Variants in SIPA1L1 observed in about 807,000 individuals in gnomAD.
The protein encoded by SIPA1L1 is signal induced proliferation associated 1 like 1, also known as signal-induced proliferation-associated 1-like protein 1.
Under a neutral mutation model 162.7 loss-of-function variants are expected in SIPA1L1, and 26 were observed. The observed-to-expected ratio is 0.16, with a 90% CI of 0.12 to 0.22. The LOEUF (loss-of-function observed/expected upper bound fraction) is 0.22, where lower values mean the gene tolerates loss of function less well. SIPA1L1 is among the 10% of genes least tolerant of loss of function. The pLI is 1.00. For synonymous variants in SIPA1L1, 829 were observed against 837.4 expected (o/e 0.99, Z 0.17); for missense variants, 1,874 against 2,241.0 (o/e 0.84, Z 3.31).
At chr14:71,520,878 G>A (rs1387556318) in intron 3 of SIPA1L1, among the ~76,000 whole-genome samples, 1 of 151,934 alleles carries the variant, frequency 6.6e-6, no homozygotes, top group East Asian at 1.9e-4. Flanking sequence ...TCAGCCCCCC[G>A]AGTAGCTGAG....
chr14:71,444,493 GA>G (rs1450086008), intron 2 of SIPA1L1, among the ~76,000 whole-genome samples: 1 of 152,142 alleles, frequency 6.6e-6, no homozygotes, highest in Non-Finnish European at 1.5e-5. Context: ...TCAGAATAGG[GA>G]ATGAATATCC....
chr14:71,407,183 GTAAC>G (rs1740982840), intron 2 of SIPA1L1, among the ~76,000 whole-genome samples: 1 of 152,126 alleles, frequency 6.6e-6, no homozygotes, highest in Non-Finnish European at 1.5e-5. Context: ...GTGGAAGAAA[GTAAC>G]TAAAAAGCTT....
Position 71,674,313 on chromosome 14 carries a change from A to G in SIPA1L1, c.3104+1691A>G, listed in dbSNP as rs141306393. ...GGTGGGATGAGACAACAGTACAGAC[A>G]TCGAAATTGGAAATAGCTGTTACTA... is the stretch of plus-strand genomic sequence containing the variant. On this transcript the variant is annotated intron_variant, in intron 12 of 23. Coordinates refer to ENST00000381232, the MANE Select transcript of SIPA1L1 (RefSeq NM_001386936.1). Among the ~76,000 whole-genome samples, 365 of 152,294 alleles carry G rather than the reference A, an allele frequency of 2.4e-3. 1 individual carries two copies. Among genetic ancestry groups the G allele is most frequent in the Middle Eastern group, 6.8e-3 (2 of 294 alleles).
In SIPA1L1 at chr14:71,658,391, C is replaced by T. The variant is rs755202556; in HGVS notation, c.2052C>T (p.Phe684=). ...YTTYKDYEIM[F]HVSTMLPYTP... ...CATACAAAGATTATGAAATTATGTTCCATGTTTCTACCATGCTGCCATACA... is the reference window on the plus strand; with the variant it reads ...CATACAAAGATTATGAAATTATGTTTCATGTTTCTACCATGCTGCCATACA... The change falls in exon 9 of 24, where the codon TTC becomes TTT. Residue 684 remains phenylalanine, a synonymous_variant. Coordinates refer to ENST00000381232, the MANE Select transcript of SIPA1L1 (RefSeq NM_001386936.1). 2 of 1,612,242 alleles carry T rather than the reference C, an allele frequency of 1.2e-6. No homozygotes were observed. The highest frequency in any genetic ancestry group is 1.1e-5 in the South Asian group (1 of 91,032).
At chr14:71,738,216 A>G (rs2085488498) in intron 22 of SIPA1L1, 25 bp from the exon 23 acceptor site, 11 of 1,427,762 alleles carry the variant, frequency 7.7e-6, no homozygotes, top group Non-Finnish European at 1.1e-5. Flanking sequence ...CCCTGCCAAC[A>G]TGGTCTTTTG....
intron 5 of SIPA1L1, among the ~76,000 whole-genome samples, chr14:71,598,674 G>T (rs556817106): frequency 9.2e-5 from 14 of 152,336 alleles, no homozygotes; most frequent in African/African-American, 3.1e-4. Flanking sequence ...TGGGGGGATT[G>T]CACATAGTGG....
At chr14:71,417,993 C>A (rs1258127365) in intron 2 of SIPA1L1, 1 of 152,108 alleles carries the variant, frequency 6.6e-6, no homozygotes, top group Non-Finnish European at 1.5e-5. Context: ...ATAGGAAATC[C>A]TTTAGCCTAA....
intron 2 of SIPA1L1, among the ~76,000 whole-genome samples, chr14:71,483,027 T>C (rs1325324500): frequency 6.6e-6 from 1 of 152,194 alleles, no homozygotes; most frequent in African/African-American, 2.4e-5. Context: ...AGCACAGATA[T>C]GATCCTTTAT....
At position 71,377,014 on chromosome 14, in the gene SIPA1L1, C is replaced by T. The variant is rs1324600307; in HGVS notation, c.-465+55833C>T. Among the ~76,000 whole-genome samples, 2 of 152,340 alleles carry T rather than the reference C, an allele frequency of 1.3e-5. No homozygotes were observed. The highest frequency in any genetic ancestry group is 2.9e-5 in the Non-Finnish European group (2 of 68,034). ...CCTTTCTATTCGACAAAACCACCATCGTCATTATGGCCCGTTCTCAGTGAG... is the reference window on the plus strand; with the variant it reads ...CCTTTCTATTCGACAAAACCACCATTGTCATTATGGCCCGTTCTCAGTGAG... On this transcript the variant is annotated intron_variant, in intron 2 of 23. Coordinates refer to ENST00000381232, the MANE Select transcript of SIPA1L1 (RefSeq NM_001386936.1). This position sits in a 1 kb window ranked among gnomAD's most constrained non-coding sequence, Gnocchi z 4.8.
chr14:71,519,038 G>A (rs562399801), intron 3 of SIPA1L1, among the ~76,000 whole-genome samples: 38 of 152,144 alleles, frequency 2.5e-4, no homozygotes, highest in African/African-American at 7.7e-4. Context: ...TTACCTTCCC[G>A]GGGTCCCTCC....
intron 4 of SIPA1L1, among the ~76,000 whole-genome samples, chr14:71,546,925 A>G (rs1401523198): frequency 6.6e-6 from 1 of 152,212 alleles, no homozygotes; most frequent in African/African-American, 2.4e-5. Flanking sequence ...TTGTGCAGTC[A>G]TCCAAGATTG....
intron 4 of SIPA1L1, among the ~76,000 whole-genome samples, chr14:71,531,277 C>T (rs976756001): frequency 1.3e-5 from 2 of 151,448 alleles, no homozygotes; most frequent in Non-Finnish European, 2.9e-5. Flanking sequence ...GAGAATTCGC[C>T]ATTATGCCTA....
chr14:71,679,502 G>A (rs1328837568), intron 12 of SIPA1L1, among the ~76,000 whole-genome samples: 3 of 152,204 alleles, frequency 2.0e-5, no homozygotes, highest in Non-Finnish European at 2.9e-5. Flanking sequence ...ACAGACCATT[G>A]ATGCTAGGAA....
chr14:71,513,705 C>T (rs1193199128), intron 3 of SIPA1L1, among the ~76,000 whole-genome samples: 1 of 152,080 alleles, frequency 6.6e-6, no homozygotes, highest in Non-Finnish European at 1.5e-5. Flanking sequence ...GTTGCCTAGG[C>T]TGGTCTCAAA....
intron 2 of SIPA1L1, among the ~76,000 whole-genome samples, chr14:71,352,641 T>A (rs977644589): frequency 6.6e-5 from 10 of 152,214 alleles, no homozygotes; most frequent in Non-Finnish European, 2.9e-5. Flanking sequence ...CTGTCTTCTG[T>A]CTCTAGCTAA....
intron 2 of SIPA1L1, among the ~76,000 whole-genome samples, chr14:71,351,537 T>C (rs1471400904): frequency 6.6e-6 from 1 of 152,244 alleles, no homozygotes; most frequent in Non-Finnish European, 1.5e-5. Flanking sequence ...TAATGCAGCC[T>C]TAGCTTTCAT....
intron 4 of SIPA1L1, among the ~76,000 whole-genome samples, chr14:71,537,617 A>T (rs2054015365): frequency 6.6e-6 from 1 of 151,978 alleles, no homozygotes; most frequent in African/African-American, 2.4e-5. Context: ...TTGGCCTCCC[A>T]TTCCTCCTTC....
chr14:71,672,614 C>G lies in SIPA1L1; in HGVS notation c.3096C>G (p.Thr1032=), dbSNP rs751938193. 6.2e-7 allele frequency: 1 copy of G among 1,613,178 alleles called. No homozygotes were observed. Residue 1032 remains threonine, a synonymous_variant, in exon 12 of 24, where the codon ACC becomes ACG. Coordinates refer to ENST00000381232, the MANE Select transcript of SIPA1L1 (RefSeq NM_001386936.1). ...TCATTCCCCCGCATGATGACTGCAC[C>G]CCGCGGAGGTAGGTCTGAGGAGACA... ...VVIIPPHDDC[T]PRRSCSETYR...
rs549140676 is a variant in SIPA1L1 at position 71,670,731 on chromosome 14, G to A, written c.2256-388G>A. Among the ~76,000 whole-genome samples the A allele has an allele frequency of 7.9e-5, 12 of 152,276 alleles. No individual in the cohort carries two copies. In the South Asian group the frequency reaches 2.3e-3, roughly 29 times the overall value. On this transcript the variant is annotated intron_variant, in intron 10 of 23. Transcript: ENST00000381232. ...TTCTCACAGAATGTATGCTTGTTCT[G>A]AAAGATGATGTGGTTACAGTAACCT...
Sources: allele counts gnomAD v4.1 joint callset (sites outside exome capture counted in the v4.1 genomes callset), GRCh38; gene constraint gnomAD v4.1.1; non-coding constraint Gnocchi (gnomAD v3.1); transcripts MANE v1.5; gene names NCBI Gene and HGNC (gene_info 2026-07-23, HGNC 2026-07-21).